NCR2: variants seen among roughly 807,000 people sequenced by gnomAD.
NCR2 encodes natural cytotoxicity triggering receptor 2, also known as NK cell activating receptor (NKp44).
A neutral mutation model predicts 30.7 loss-of-function variants in NCR2; 35 were observed. The ratio of observed to expected loss-of-function variants is 1.14; its 90% CI spans 0.87 to 1.51. The LOEUF is 1.51. NCR2 is among the 40% of genes most tolerant of loss of function. The pLI is 0.00. For missense variants in NCR2, 316 were observed against 328.9 expected (o/e 0.96, Z 0.30); for synonymous variants, 146 against 134.8 (o/e 1.08, Z -0.58).
chr6:41,339,515 G>C (rs900620228), intron 2 of NCR2, among the ~76,000 whole-genome samples: 1 of 151,994 alleles, frequency 6.6e-6, no homozygotes, highest in Admixed American at 6.5e-5. Flanking sequence ...CTCCCAAGTA[G>C]CTGGGACTAC....
chr6:41,342,951 G>C, intron 4 of NCR2: 2 of 1,550,546 alleles, frequency 1.3e-6, no homozygotes, highest in Non-Finnish European at 1.7e-6. Context: ...AGCATCAAGG[G>C]AGGTCTCTGC....
At position 41,336,382 on chromosome 6, in the gene NCR2, C is replaced by T; in HGVS notation, c.348C>T (p.Asp116=). 6.2e-7 allele frequency: 1 copy of T among 1,614,020 alleles called. No homozygotes were observed. Among genetic ancestry groups the T allele is most frequent in the Non-Finnish European group, 8.5e-7 (1 of 1,180,006 alleles). The change falls in exon 2 of 5, where the codon GAC becomes GAT. Residue 116 remains aspartate (D), a synonymous_variant. Coordinates refer to ENST00000373089, the MANE Select transcript of NCR2 (RefSeq NM_004828.4). The part of the protein sequence containing the change: ...HYWCRIYRPS[D]NSVSKSVRFY... ...GGTGTAGAATCTACCGCCCTTCTGA[C>T]AACTCTGTCTCTAAGTCCGTCAGAT...
chr6:41,346,284 T>C (rs1181337237), intron 4 of NCR2, among the ~76,000 whole-genome samples: 1 of 152,186 alleles, frequency 6.6e-6, no homozygotes, highest in Non-Finnish European at 1.5e-5. Context: ...CCCAGTGGTC[T>C]CGTCCTCTTC....
At chr6:41,341,690 G>A in intron 2 of NCR2, 104 bp from the exon 3 acceptor site, 1 of 1,408,746 alleles carries the variant, frequency 7.1e-7, no homozygotes, top group Non-Finnish European at 9.6e-7. Context: ...TGGGCGCATG[G>A]GCTCTGTTCC....
intron 4 of NCR2, among the ~76,000 whole-genome samples, chr6:41,345,719 C>T (rs893314239): frequency 3.3e-5 from 5 of 152,110 alleles, no homozygotes; most frequent in Admixed American, 6.5e-5. Context: ...ACCCAGAATC[C>T]CAACTCAGTA....
chr6:41,345,946 T>G (rs1453460044), intron 4 of NCR2, among the ~76,000 whole-genome samples: 2 of 152,106 alleles, frequency 1.3e-5, no homozygotes, highest in Non-Finnish European at 2.9e-5. Flanking sequence ...CGGTTTGTTC[T>G]CCTTTGCCTC....
chr6:41,342,807 A>T, intron 4 of NCR2: 1 of 864,128 alleles, frequency 1.2e-6, no homozygotes, highest in Non-Finnish European at 1.9e-6. Flanking sequence ...GTGCAGGGAC[A>T]ACTCAGTCAG....
chr6:41,338,042 A>G (rs955977485), intron 2 of NCR2, among the ~76,000 whole-genome samples: 2 of 152,254 alleles, frequency 1.3e-5, no homozygotes, highest in Non-Finnish European at 2.9e-5. Flanking sequence ...TGTCATAACA[A>G]TTCATAGAAA....
chr6:41,335,800 T>C lies in NCR2; in HGVS notation c.-77T>C, dbSNP rs1769003433. 6.8e-7 allele frequency: 1 copy of C among 1,462,398 alleles called. No homozygotes were observed. Among genetic ancestry groups the C allele is most frequent in the Non-Finnish European group, 9.4e-7 (1 of 1,065,616 alleles). The allele number at this position is 1,462,398 out of a possible 1,614,324, so 90.6% of individuals were successfully genotyped here. A position where few individuals can be genotyped will look rare whatever the true frequency, so the allele number is the denominator to read the frequency against. ...CAGACGTGCTGGAAGAGCAGCAGAA[T>C]CAGGCCCAGCTCCCAATTCCCTCTC... On this transcript the variant is annotated 5_prime_UTR_variant, in exon 1 of 5. Coordinates refer to ENST00000373089, the MANE Select transcript of NCR2 (RefSeq NM_004828.4).
rs773745165 is a variant in NCR2, at chr6:41,341,982, G to A, written c.530+53G>A. On this transcript the variant is annotated intron_variant, in intron 3 of 4. Transcript: ENST00000373089. ...CAGGCCTGGGCGGGGGCTGGCAGATGGAGACTTGCCTCCCCAGCCCGTCCT... is the reference window on the plus strand; with the variant it reads ...CAGGCCTGGGCGGGGGCTGGCAGATAGAGACTTGCCTCCCCAGCCCGTCCT... The A allele has an allele frequency of 1.9e-6, 3 of 1,612,090 alleles. No homozygotes were observed. In the South Asian group the frequency reaches 3.3e-5, roughly 18 times the overall value.
chr6:41,340,461 C>G (rs188397705), intron 2 of NCR2, among the ~76,000 whole-genome samples: 37 of 152,304 alleles, frequency 2.4e-4, no homozygotes, highest in African/African-American at 8.7e-4. Flanking sequence ...CACGCCTGGC[C>G]GCTAACAAGT....
In NCR2 at chr6:41,342,993, T is replaced by G. The variant is rs561908780; in HGVS notation, c.644+844T>G. 3.9e-6 allele frequency: 6 copies of G among 1,550,574 alleles called. No homozygotes were observed. In the African/African-American group the frequency reaches 6.8e-5, roughly 18 times the overall value. On this transcript the variant is annotated intron_variant, in intron 4 of 4. Coordinates refer to ENST00000373089, the MANE Select transcript of NCR2 (RefSeq NM_004828.4). Reference sequence around the variant, plus strand: ...CAGCTCAGCCCAGGCCCCAGGCCCATAGACACTTCCCACTGAGCCACAGGG... The same window carrying G: ...CAGCTCAGCCCAGGCCCCAGGCCCAGAGACACTTCCCACTGAGCCACAGGG...
At chr6:41,337,762 C>G (rs146551511) in intron 2 of NCR2, among the ~76,000 whole-genome samples, 1 of 152,126 alleles carries the variant, frequency 6.6e-6, no homozygotes, top group African/African-American at 2.4e-5. Flanking sequence ...AGGAAGCAAG[C>G]GATGCTGTAA....
At chr6:41,340,934 C>T (rs1164694265) in intron 2 of NCR2, among the ~76,000 whole-genome samples, 1 of 152,078 alleles carries the variant, frequency 6.6e-6, no homozygotes, top group Admixed American at 6.5e-5. Flanking sequence ...GTCTCTGGGA[C>T]GAGGAATGAC....
chr6:41,341,726 G>C, intron 2 of NCR2, 68 bp from the exon 3 acceptor site: 1 of 1,532,736 alleles, frequency 6.5e-7, no homozygotes, highest in Non-Finnish European at 8.8e-7. Context: ...CCCCCATCCA[G>C]CTCTCCTGCC....
chr6:41,345,406 C>A (rs1289974584), intron 4 of NCR2, among the ~76,000 whole-genome samples: 1 of 152,150 alleles, frequency 6.6e-6, no homozygotes, highest in Non-Finnish European at 1.5e-5. Flanking sequence ...GTATGGAGCT[C>A]TCTGTTTATC....
intron 2 of NCR2, among the ~76,000 whole-genome samples, chr6:41,339,304 C>T (rs1317857067): frequency 4.6e-5 from 7 of 152,068 alleles, no homozygotes; most frequent in East Asian, 1.9e-4. Flanking sequence ...TCAGGTGATC[C>T]GCCTGACTCG....
At chr6:41,345,302 T>C (rs1769275391) in intron 4 of NCR2, among the ~76,000 whole-genome samples, 2 of 152,072 alleles carry the variant, frequency 1.3e-5, no homozygotes, top group African/African-American at 4.8e-5. Context: ...CTTTCTGGGG[T>C]TCCAAGGTAA....
At chr6:41,343,032 G>A in intron 4 of NCR2, 1 of 1,548,890 alleles carries the variant, frequency 6.5e-7, no homozygotes, top group Non-Finnish European at 8.7e-7. Flanking sequence ...CAGGTGGGCG[G>A]CCAGTCTCCA....
Sources: gnomAD v4.1 joint callset for allele counts (sites outside exome capture counted in the v4.1 genomes callset) on GRCh38, gnomAD v4.1.1 for gene constraint, MANE v1.5 for transcripts, NCBI Gene and HGNC (gene_info 2026-07-23, HGNC 2026-07-21) for gene names.